FOCAD: variants seen among roughly 807,000 people sequenced by gnomAD.
FOCAD encodes KIAA1797.
Under a neutral mutation model 225.6 loss-of-function variants are expected in FOCAD, and 198 were observed. That is an observed-to-expected ratio of 0.88 (90% CI 0.78 to 0.99). The LOEUF is 0.99. Among genes scored for constraint, FOCAD ranks in the 50% least tolerant of loss-of-function variants. FOCAD has a pLI of 0.00. For synonymous variants in FOCAD, 897 were observed against 755.0 expected (o/e 1.19, Z -3.08); for missense variants, 2,713 against 2,123.6 (o/e 1.28, Z -5.46).
intron 1 of FOCAD, among the ~76,000 whole-genome samples, chr9:20,704,920 C>T (rs999200856): frequency 6.6e-6 from 1 of 152,112 alleles, no homozygotes; most frequent in African/African-American, 2.4e-5. Flanking sequence ...TGGGAATGAG[C>T]AAAAATAAAA....
chr9:20,925,608 G>T (rs1769710097), intron 25 of FOCAD, among the ~76,000 whole-genome samples: 1 of 152,134 alleles, frequency 6.6e-6, no homozygotes, highest in South Asian at 2.1e-4. Flanking sequence ...GCCTTGTTTG[G>T]TTCAAGGAAT....
chr9:20,707,184 T>C (rs768289391), intron 1 of FOCAD, among the ~76,000 whole-genome samples: 3 of 152,226 alleles, frequency 2.0e-5, no homozygotes, highest in Non-Finnish European at 4.4e-5. Flanking sequence ...GATTATAATA[T>C]TGACCAAGTG....
At chr9:20,956,650 T>C in intron 35 of FOCAD, among the ~76,000 whole-genome samples, 1 of 152,180 alleles carries the variant, frequency 6.6e-6, no homozygotes, top group Non-Finnish European at 1.5e-5. Context: ...TCCTATTGCA[T>C]TGGTTTCTGG....
In FOCAD at chr9:20,788,285, C is replaced by G. The variant is rs544056548; in HGVS notation, c.1198-1066C>G. On this transcript the variant is annotated intron_variant, in intron 10 of 43. Coordinates refer to ENST00000338382, the MANE Select transcript of FOCAD (RefSeq NM_001375567.1). ...GGAACCAGAGTAGATTAGTTGTTGC[C>G]AAGGGCTGGAGGAGGGTTGGGGGAG... is the stretch of plus-strand genomic sequence containing the variant. 2.6e-5 allele frequency among the ~76,000 whole-genome samples: 4 copies of G among 152,122 alleles called. No homozygotes were observed. In the East Asian group the frequency reaches 5.8e-4, roughly 22 times the overall value.
chr9:20,824,982 G>T (rs1320097810), intron 15 of FOCAD, among the ~76,000 whole-genome samples: 1 of 151,824 alleles, frequency 6.6e-6, no homozygotes, highest in Non-Finnish European at 1.5e-5. Context: ...TGTGGAATTT[G>T]TTGAAAATGA....
At chr9:20,961,499 A>T in intron 35 of FOCAD, among the ~76,000 whole-genome samples, 1 of 152,176 alleles carries the variant, frequency 6.6e-6, no homozygotes, top group East Asian at 1.9e-4. Context: ...AGAAGCTAAC[A>T]TCTGTGTGCA....
Position 20,821,040 on chromosome 9 carries a change from G to A in FOCAD, c.1762G>A (p.Ala588Thr). The change falls in exon 14 of 44, where the codon GCA becomes ACA. Residue 588 changes from alanine to threonine, a missense_variant. Ala to Thr is a moderately conservative substitution (Grantham distance 58, BLOSUM62 0). Transcript: ENST00000338382. ...EVQWEKLIAK[A>T]ASIRDICKQR... ...CCAATGGGAGAAACTGATTGCAAAA[G>A]CAGCATCAATCAGAGATATATGTAA... 6.2e-7 allele frequency: 1 copy of A among 1,612,662 alleles called. No individual in the cohort carries two copies.
intron 23 of FOCAD, among the ~76,000 whole-genome samples, chr9:20,915,593 T>A (rs1377141396): frequency 6.6e-6 from 1 of 152,108 alleles, no homozygotes; most frequent in Non-Finnish European, 1.5e-5. Context: ...TAGAAGGATC[T>A]AGAGAGAGTG....
intron 1 of FOCAD, among the ~76,000 whole-genome samples, chr9:20,706,154 C>G (rs1309148160): frequency 1.3e-5 from 2 of 151,890 alleles, no homozygotes; most frequent in Non-Finnish European, 2.9e-5. Flanking sequence ...AGGCTGGTCT[C>G]AAACTCTTGG....
At chr9:20,958,748 A>C (rs1838430635) in intron 35 of FOCAD, among the ~76,000 whole-genome samples, 1 of 152,064 alleles carries the variant, frequency 6.6e-6, no homozygotes, top group South Asian at 2.1e-4. Flanking sequence ...CTGAGAGATC[A>C]ACTTTCTTTT....
chr9:20,702,021 A>G (rs1393339987), intron 1 of FOCAD, among the ~76,000 whole-genome samples: 3 of 152,178 alleles, frequency 2.0e-5, no homozygotes, highest in African/African-American at 4.8e-5. Flanking sequence ...ACCGTTTGCT[A>G]TGTTCATGGC....
At chr9:20,932,394 A>G (rs1835568389) in intron 27 of FOCAD, among the ~76,000 whole-genome samples, 1 of 152,176 alleles carries the variant, frequency 6.6e-6, no homozygotes, top group Non-Finnish European at 1.5e-5. Context: ...AAGCCCACAA[A>G]TCTGCCTGGA....
intron 15 of FOCAD, among the ~76,000 whole-genome samples, chr9:20,829,742 C>T (rs1436905433): frequency 6.6e-6 from 1 of 152,052 alleles, no homozygotes; most frequent in Non-Finnish European, 1.5e-5. Context: ...GAACATATAT[C>T]ATGCTCTTCT....
Position 20,990,134 on chromosome 9 carries a change from C to T in FOCAD, c.5016C>T (p.Phe1672=). The T allele has an allele frequency of 6.2e-7, 1 of 1,614,166 alleles. No homozygotes were observed. Among genetic ancestry groups the T allele is most frequent in the Non-Finnish European group, 8.5e-7 (1 of 1,180,002 alleles). Residue 1672 remains phenylalanine (F), a synonymous_variant, in exon 42 of 44, where the codon TTC becomes TTT. Coordinates refer to ENST00000338382, the MANE Select transcript of FOCAD (RefSeq NM_001375567.1). The part of the protein sequence containing the change: ...HNTALDKALD[F]FLLIFATAVV... ...TATTTTCATCGTAGGCTTTGGACTT[C>T]TTCTTGCTGATATTTGCAACCGCAG...
At chr9:20,977,237 G>T (rs1840302441) in intron 36 of FOCAD, among the ~76,000 whole-genome samples, 1 of 152,112 alleles carries the variant, frequency 6.6e-6, no homozygotes, top group South Asian at 2.1e-4. Flanking sequence ...TAATTAATAG[G>T]CTCACTTACA....
intron 28 of FOCAD, among the ~76,000 whole-genome samples, chr9:20,941,330 A>G (rs1252444640): frequency 6.6e-6 from 1 of 152,242 alleles, no homozygotes; most frequent in Non-Finnish European, 1.5e-5. Context: ...TCATGCAGTC[A>G]TCAATGACCC....
At chr9:20,876,611 T>G (rs1244829143) in intron 19 of FOCAD, among the ~76,000 whole-genome samples, 1 of 152,186 alleles carries the variant, frequency 6.6e-6, no homozygotes, top group Non-Finnish European at 1.5e-5. Context: ...TGAGAAAATT[T>G]AGTAATTTGA....
At chr9:20,673,010 C>T (rs1229895499) in intron 2 of FOCAD, among the ~76,000 whole-genome samples, 1 of 152,068 alleles carries the variant, frequency 6.6e-6, no homozygotes, top group Admixed American at 6.6e-5. Flanking sequence ...TTTAGCAGTA[C>T]CAGCAGTAAA....
At chr9:20,962,396 T>C (rs143190215) in intron 35 of FOCAD, among the ~76,000 whole-genome samples, 254 of 142,584 alleles carry the variant, frequency 1.8e-3, no homozygotes, top group African/African-American at 4.8e-3. Context: ...CATACACATA[T>C]ATAATATATA....
Sources: gnomAD v4.1 joint callset for allele counts (sites outside exome capture counted in the v4.1 genomes callset) on GRCh38, gnomAD v4.1.1 for gene constraint, MANE v1.5 for transcripts, NCBI Gene and HGNC (gene_info 2026-07-23, HGNC 2026-07-21) for gene names.